CPNE2: variants seen among roughly 807,000 people sequenced by gnomAD.
CPNE2 encodes copine 2, also known as copine-2.
A neutral mutation model predicts 69.7 loss-of-function variants in CPNE2; 42 were observed. That is an observed-to-expected ratio of 0.60 (90% CI 0.47 to 0.78). CPNE2 has a LOEUF of 0.78. Among genes scored for constraint, CPNE2 ranks in the 30% least tolerant of loss-of-function variants. The pLI is 0.00. For synonymous variants in CPNE2, 294 were observed against 289.8 expected (o/e 1.01, Z -0.15); for missense variants, 587 against 732.0 (o/e 0.80, Z 2.29).
intron 13 of CPNE2, among the ~76,000 whole-genome samples, chr16:57,136,570 C>A (rs534643453): frequency 2.0e-5 from 3 of 152,134 alleles, no homozygotes; most frequent in East Asian, 1.9e-4. Context: ...CAGACAAAGA[C>A]GTAGCCTCAG....
intron 1 of CPNE2, among the ~76,000 whole-genome samples, chr16:57,100,555 A>T (rs1355882760): frequency 6.6e-6 from 1 of 152,240 alleles, no homozygotes; most frequent in Non-Finnish European, 1.5e-5. Flanking sequence ...CCAGAGTCAC[A>T]TTAGTGGAGG....
chr16:57,135,864 ACT>A (rs1273356637), intron 13 of CPNE2, among the ~76,000 whole-genome samples: 34 of 98,516 alleles, frequency 3.5e-4, no homozygotes, highest in African/African-American at 1.3e-3. Context: ...ACAGAGTGAG[ACT>A]CTGTCTCAAA....
chr16:57,135,689 G>C (rs1567326945), intron 13 of CPNE2, among the ~76,000 whole-genome samples: 1 of 151,374 alleles, frequency 6.6e-6, no homozygotes, highest in Non-Finnish European at 1.5e-5. Flanking sequence ...GCCTGGCCAA[G>C]ATTGTGAAAC....
In CPNE2 at chr16:57,115,562, C is replaced by T; in HGVS notation, c.435+12C>T. ...AGGGCTTGATTACGGTACCAGTCCC[C>T]TCCCGGCTCTCCGCACCCCCTCCAT... On this transcript the variant is annotated intron_variant, in intron 4 of 15. Coordinates refer to ENST00000290776, the MANE Select transcript of CPNE2 (RefSeq NM_152727.6). 1.0e-5 allele frequency: 16 copies of T among 1,600,474 alleles called. No homozygotes were observed. The highest frequency in any genetic ancestry group is 1.4e-5 in the Non-Finnish European group (16 of 1,170,774).
intron 1 of CPNE2, among the ~76,000 whole-genome samples, chr16:57,100,814 G>A (rs1268112550): frequency 2.0e-5 from 3 of 152,192 alleles, no homozygotes; most frequent in African/African-American, 7.2e-5. Context: ...GCAGCTGACA[G>A]GGTGGGGGTG....
intron 12 of CPNE2, 68 bp from the exon 13 acceptor site, chr16:57,134,707 G>C: frequency 1.3e-6 from 2 of 1,576,536 alleles, no homozygotes; most frequent in Non-Finnish European, 1.7e-6. Flanking sequence ...TGGCCTGGCA[G>C]TGGGTGGTGG....
At chr16:57,117,151 G>C (rs924292022) in intron 4 of CPNE2, among the ~76,000 whole-genome samples, 7 of 152,076 alleles carry the variant, frequency 4.6e-5, no homozygotes, top group African/African-American at 1.7e-4. Context: ...GCAGGGGCAG[G>C]AGAAGGCCGG....
intron 3 of CPNE2, 83 bp from the exon 4 acceptor site, chr16:57,115,392 AT>A: frequency 2.6e-6 from 3 of 1,142,126 alleles, no homozygotes; most frequent in Non-Finnish European, 2.6e-6. Context: ...TGCCAAGAGG[AT>A]TTTTCCGGTG....
intron 1 of CPNE2, chr16:57,106,103 T>TC (rs2069646585): frequency 6.5e-6 from 1 of 153,938 alleles, no homozygotes; most frequent in Non-Finnish European, 1.4e-5. Flanking sequence ...GACCCACTCT[T>TC]CCCCCCGCCT....
intron 9 of CPNE2, 37 bp from the exon 10 acceptor site, chr16:57,123,377 G>T: frequency 6.2e-7 from 1 of 1,608,618 alleles, no homozygotes; most frequent in South Asian, 1.1e-5. Flanking sequence ...GTGTGACCAA[G>T]TCAAGGGGAC....
chr16:57,118,511 A>T (rs1229276629), intron 5 of CPNE2, among the ~76,000 whole-genome samples: 2 of 151,972 alleles, frequency 1.3e-5, no homozygotes, highest in African/African-American at 4.8e-5. Flanking sequence ...CCTAACTTGA[A>T]TATAACCTCT....
At chr16:57,103,609 C>T (rs1467195114) in intron 1 of CPNE2, among the ~76,000 whole-genome samples, 1 of 152,226 alleles carries the variant, frequency 6.6e-6, no homozygotes, top group Non-Finnish European at 1.5e-5. Context: ...CTCTTCTCCC[C>T]TTCGGGGTTA....
chr16:57,096,675 G>A (rs1597487861), intron 1 of CPNE2, among the ~76,000 whole-genome samples: 1 of 149,982 alleles, frequency 6.7e-6, no homozygotes, highest in Middle Eastern at 3.4e-3. Context: ...CTCCAACCTC[G>A]GTGAAACAGT....
chr16:57,103,776 C>T (rs1171100699), intron 1 of CPNE2, among the ~76,000 whole-genome samples: 4 of 152,230 alleles, frequency 2.6e-5, no homozygotes, highest in African/African-American at 9.6e-5. Flanking sequence ...TTCCCGGGTT[C>T]TACATCGCGG....
intron 3 of CPNE2, among the ~76,000 whole-genome samples, chr16:57,115,006 C>T (rs1375585317): frequency 6.9e-6 from 1 of 144,270 alleles, no homozygotes; most frequent in East Asian, 2.1e-4. Context: ...ACCCAGGAGG[C>T]TGAGGTGGGA....
At chr16:57,108,713 C>T (rs1214554017) in intron 1 of CPNE2, among the ~76,000 whole-genome samples, 1 of 152,208 alleles carries the variant, frequency 6.6e-6, no homozygotes. Flanking sequence ...TCCCCCTCCA[C>T]CCCTTGAGAT....
At chr16:57,142,138 T>A (rs777171640) in intron 14 of CPNE2, 1 of 152,294 alleles carries the variant, frequency 6.6e-6, no homozygotes, top group African/African-American at 2.4e-5. Context: ...GAGACCATGA[T>A]GAGTGACACA....
chr16:57,120,999 A>C, intron 7 of CPNE2, 94 bp from the exon 8 acceptor site: 1 of 879,520 alleles, frequency 1.1e-6, no homozygotes, highest in South Asian at 1.7e-5. Context: ...CACTACCCAA[A>C]CAGAAGACAG....
chr16:57,112,936 A>C, intron 2 of CPNE2: 2 of 192,390 alleles, frequency 1.0e-5, no homozygotes, highest in Non-Finnish European at 1.1e-5. Flanking sequence ...CAGATGGGGA[A>C]AGGGCCTTGT....
Sources: allele counts gnomAD v4.1 joint callset (sites outside exome capture counted in the v4.1 genomes callset), GRCh38; gene constraint gnomAD v4.1.1; transcripts MANE v1.5; gene names NCBI Gene and HGNC (gene_info 2026-07-23, HGNC 2026-07-21).